The following DSCAML1 variants were observed in gnomAD, a reference collection of about 807,000 sequenced individuals.
DSCAML1 encodes DS cell adhesion molecule like 1, also known as cell adhesion molecule DSCAML1.
Under a neutral mutation model 200.5 loss-of-function variants are expected in DSCAML1, and 38 were observed. The observed-to-expected ratio is 0.19, with a 90% CI of 0.15 to 0.25. The LOEUF (loss-of-function observed/expected upper bound fraction) is 0.25. DSCAML1 is among the 10% of genes least tolerant of loss of function. DSCAML1 has a pLI of 1.00. For missense variants in DSCAML1, 2,223 were observed against 2,858.8 expected, an observed-to-expected ratio of 0.78 and a Z score of 5.07; for synonymous variants, 1,215 against 1,165.0, an observed-to-expected ratio of 1.04 and a Z score of -0.87.
chr11:117,590,225 G>T (rs1456665290), intron 3 of DSCAML1, among the ~76,000 whole-genome samples: 1 of 152,040 alleles, frequency 6.6e-6, no homozygotes, highest in Non-Finnish European at 1.5e-5. Context: ...GCCTTGCTCT[G>T]TTGCCCAGGC....
chr11:117,462,959 C>T (rs543836192), intron 17 of DSCAML1, among the ~76,000 whole-genome samples: 1 of 152,356 alleles, frequency 6.6e-6, no homozygotes, highest in South Asian at 2.1e-4. Flanking sequence ...CAGGGGCCCC[C>T]CACGAGGCAA....
At chr11:117,460,676 T>C (rs767295751) in intron 18 of DSCAML1, among the ~76,000 whole-genome samples, 35 of 152,242 alleles carry the variant, frequency 2.3e-4, no homozygotes, top group Non-Finnish European at 2.4e-4. Context: ...CTCAAACCTG[T>C]TTGCACATTC....
intron 3 of DSCAML1, among the ~76,000 whole-genome samples, chr11:117,732,720 G>A (rs2054244539): frequency 6.6e-6 from 1 of 152,174 alleles, no homozygotes; most frequent in Non-Finnish European, 1.5e-5. Context: ...TCTCCTTCCG[G>A]AAAGAGCACA....
intron 16 of DSCAML1, among the ~76,000 whole-genome samples, chr11:117,467,123 A>AAC (rs77573611): frequency 0.64 from 95,771 of 149,038 alleles, 31,991 homozygotes; most frequent in East Asian, 0.89. Flanking sequence ...GGGGCTGGAA[A>AAC]ACTCTCATCC....
At position 117,430,822 on chromosome 11, in the gene DSCAML1, T is replaced by C. The variant is rs773509936; in HGVS notation, c.5586A>G (p.Ser1862=). The C allele has an allele frequency of 2.5e-6, 4 of 1,614,162 alleles. No individual in the cohort carries two copies. Among genetic ancestry groups the C allele is most frequent in the South Asian group, 2.2e-5 (2 of 91,082 alleles). ...CGGTAAAGCGGCAGATGCCAGGCTC[T>C]GAGGGTGTGCTCATGGATGTCATGC... ...ADSMTSMSTP[S]EPGICRFTAS... The change falls in exon 32 of 33, where the codon TCA becomes TCG. Residue 1862 remains serine (S), a synonymous_variant. Transcript: ENST00000651296.
At chr11:117,447,925 TCA>T (rs2048212665) in intron 20 of DSCAML1, among the ~76,000 whole-genome samples, 1 of 152,250 alleles carries the variant, frequency 6.6e-6, no homozygotes, top group Non-Finnish European at 1.5e-5. Flanking sequence ...AGTGATCACG[TCA>T]CACACAGTGG....
chr11:117,537,408 G>A (rs1271257029), intron 3 of DSCAML1, among the ~76,000 whole-genome samples: 12 of 152,304 alleles, frequency 7.9e-5, no homozygotes, highest in Non-Finnish European at 5.9e-5. Context: ...GGAAGGTCTT[G>A]TGGAAGCTAT....
chr11:117,428,151 TAGTTTCATTTGTACAAAAG>T lies in DSCAML1; in HGVS notation c.*158_*176del. The T allele has an allele frequency of 1.9e-6, 1 of 538,464 alleles. No individual in the cohort carries two copies. The highest frequency in any genetic ancestry group is 3.4e-5 in the East Asian group (1 of 29,382). 33.4% of individuals were successfully genotyped at this position (538,464 alleles called of 1,614,324 possible). A position where few individuals can be genotyped will look rare whatever the true frequency, so the allele number is the denominator to read the frequency against. On this transcript the variant is annotated 3_prime_UTR_variant, in exon 33 of 33. Coordinates refer to ENST00000651296, the MANE Select transcript of DSCAML1 (RefSeq NM_020693.4). ...CCTGGCTTCATGGAGAAGAAGAAAATAGTTTCATTTGTACAAAAGAGTTCTATGTACAGGCGTTCATGAT... is the reference window on the plus strand; with the variant it reads ...CCTGGCTTCATGGAGAAGAAGAAAATAGTTCTATGTACAGGCGTTCATGAT...
At chr11:117,771,323 C>T (rs2055036507) in intron 3 of DSCAML1, among the ~76,000 whole-genome samples, 1 of 152,222 alleles carries the variant, frequency 6.6e-6, no homozygotes, top group African/African-American at 2.4e-5. Flanking sequence ...ACAACATGAG[C>T]TGAATCCTAA....
intron 3 of DSCAML1, among the ~76,000 whole-genome samples, chr11:117,552,679 A>G (rs73591010): frequency 0.012 from 1,771 of 152,352 alleles, 29 homozygotes; most frequent in African/African-American, 0.04. Flanking sequence ...CGTAAAGGAA[A>G]GTGATTGCTA....
Position 117,503,226 on chromosome 11 carries a change from T to C in DSCAML1, c.2359+619A>G, listed in dbSNP as rs1336256650. Among the ~76,000 whole-genome samples, 1 of 152,200 alleles carries C rather than the reference T, an allele frequency of 6.6e-6. No homozygotes were observed. The highest frequency in any genetic ancestry group is 1.9e-4 in the East Asian group (1 of 5,202). On this transcript the variant is annotated intron_variant, in intron 11 of 32. Coordinates refer to ENST00000651296, the MANE Select transcript of DSCAML1 (RefSeq NM_020693.4). This position sits in a 1 kb window ranked among gnomAD's most constrained non-coding sequence, Gnocchi z 5.2. ...AGTTGTAATGAGCTGCATTGGTCCT[T>C]GGGCTTTTCTGAAGCATCCTCCTCT... is the stretch of plus-strand genomic sequence containing the variant.
intron 3 of DSCAML1, among the ~76,000 whole-genome samples, chr11:117,629,409 G>C (rs1036487575): frequency 6.6e-6 from 1 of 152,180 alleles, no homozygotes; most frequent in African/African-American, 2.4e-5. Context: ...TGCCCACGCT[G>C]AGTGCTGTAG....
chr11:117,575,011 T>C (rs1438691947), intron 3 of DSCAML1, among the ~76,000 whole-genome samples: 2 of 151,954 alleles, frequency 1.3e-5, no homozygotes, highest in East Asian at 3.9e-4. Flanking sequence ...GCTAACATGG[T>C]GAAACCCCGT....
chr11:117,701,165 C>T (rs1456939871), intron 3 of DSCAML1, among the ~76,000 whole-genome samples: 1 of 152,116 alleles, frequency 6.6e-6, no homozygotes, highest in African/African-American at 2.4e-5. Context: ...ACCCAGGAGG[C>T]TGAGGCAGGA....
chr11:117,653,265 C>G (rs1422744351), intron 3 of DSCAML1, among the ~76,000 whole-genome samples: 1 of 152,172 alleles, frequency 6.6e-6, no homozygotes, highest in East Asian at 1.9e-4. Context: ...AGTCCCCTTT[C>G]TCATGATTTT....
At chr11:117,520,626 T>TAA (rs565011943) in intron 6 of DSCAML1, among the ~76,000 whole-genome samples, 1 of 141,328 alleles carries the variant, frequency 7.1e-6, no homozygotes, top group African/African-American at 2.6e-5. Context: ...GTAACATCAT[T>TAA]AAAAAAAAAA....
chr11:117,717,393 A>G (rs1031427930), intron 3 of DSCAML1, among the ~76,000 whole-genome samples: 9 of 151,874 alleles, frequency 5.9e-5, no homozygotes, highest in Admixed American at 3.9e-4. Context: ...CGCTCCCTCA[A>G]CTCTTCATCA....
At chr11:117,584,706 T>G (rs1437829655) in intron 3 of DSCAML1, among the ~76,000 whole-genome samples, 1 of 152,222 alleles carries the variant, frequency 6.6e-6, no homozygotes, top group Non-Finnish European at 1.5e-5. Context: ...GGTGCCAAGT[T>G]GAAGTGGACA....
At chr11:117,746,931 A>G (rs1338095997) in intron 3 of DSCAML1, among the ~76,000 whole-genome samples, 1 of 152,178 alleles carries the variant, frequency 6.6e-6, no homozygotes, top group Non-Finnish European at 1.5e-5. Context: ...ACAGCACAAA[A>G]TAACACTGGG....
Sources: gnomAD v4.1 joint callset for allele counts (sites outside exome capture counted in the v4.1 genomes callset) on GRCh38, gnomAD v4.1.1 for gene constraint, Gnocchi (gnomAD v3.1) non-coding constraint, MANE v1.5 for transcripts, NCBI Gene and HGNC (gene_info 2026-07-23, HGNC 2026-07-21) for gene names.